SLC4A4: variants seen among roughly 807,000 people sequenced by gnomAD.
SLC4A4 encodes the protein electrogenic sodium bicarbonate cotransporter 1.
Under a neutral mutation model 111.5 loss-of-function variants are expected in SLC4A4, and 27 were observed. The ratio of observed to expected loss-of-function variants is 0.24; its 90% CI spans 0.18 to 0.33. The LOEUF (loss-of-function observed/expected upper bound fraction) is 0.33, where lower values mean the gene tolerates loss of function less well. Among genes scored for constraint, SLC4A4 ranks in the 10% least tolerant of loss-of-function variants. The pLI, the probability that SLC4A4 is intolerant of heterozygous loss-of-function variation, is 1.00. For synonymous variants in SLC4A4, 443 were observed against 463.4 expected (o/e 0.96, Z 0.57); for missense variants, 909 against 1,315.5 (o/e 0.69, Z 4.78).
At chr4:71,125,993 T>TA (rs2148959116) in intron 2 of SLC4A4, among the ~76,000 whole-genome samples, 1 of 152,350 alleles carries the variant, frequency 6.6e-6, no homozygotes, top group Non-Finnish European at 1.5e-5. Context: ...TTCTGTATTT[T>TA]GTTAGCTGCA....
intron 16 of SLC4A4, among the ~76,000 whole-genome samples, chr4:71,504,587 T>C (rs1247714163): frequency 1.3e-5 from 2 of 151,600 alleles, no homozygotes; most frequent in Non-Finnish European, 3.0e-5. Flanking sequence ...TTTAAGATCA[T>C]TATTTTGAAT....
rs529877547 is a variant in SLC4A4, at chr4:71,234,341, T to A, written c.-1-2235T>A. On this transcript the variant is annotated intron_variant, in intron 1 of 25. Coordinates refer to ENST00000264485, the MANE Select transcript of SLC4A4 (RefSeq NM_001098484.3). ...GAACATAGCAGGCACTAAATAAATA[T>A]TTGCTGAACCAGTGAATATACTTTA... Among the ~76,000 whole-genome samples the A allele has an allele frequency of 1.4e-4, 22 of 152,380 alleles. No individual in the cohort carries two copies. The East Asian group carries it at 4.0e-3, about 28-fold the overall frequency.
Position 71,339,401 on chromosome 4 carries a change from C to T in SLC4A4, c.285C>T (p.Ile95=). 2 of 1,614,128 alleles carry T rather than the reference C, an allele frequency of 1.2e-6. No individual in the cohort carries two copies. The highest frequency in any genetic ancestry group is 2.2e-5 in the South Asian group (2 of 91,078). Residue 95 remains isoleucine (I), a synonymous_variant, in exon 4 of 26, where the codon ATC becomes ATT. Transcript: ENST00000264485. The part of the protein sequence containing the change: ...ISPAAERIRF[I]LGEEDDSPAP... ...CTGCTGCAGAACGCATCCGATTCAT[C>T]TTGGGAGAGGAGGATGACAGCCCAG...
rs1004951581 is a variant in SLC4A4, at chr4:71,134,739, C to A, written c.-2+41947C>A. Among the ~76,000 whole-genome samples, 9 of 152,330 alleles carry A rather than the reference C, an allele frequency of 5.9e-5. No homozygotes were observed. The South Asian group carries it at 1.9e-3, about 32-fold the overall frequency. ...TTGGCAATTGCTCATTTCTAATTAT[C>A]TGGTCTTTTGCAAAGTCCACAAGGC... On this transcript the variant is annotated intron_variant, in intron 2 of 26. Transcript: ENST00000649996.
At chr4:71,220,904 A>G (rs2579310) in intron 1 of SLC4A4, among the ~76,000 whole-genome samples, 4,467 of 151,896 alleles carry the variant, frequency 0.029, 222 homozygotes, top group African/African-American at 0.1. Flanking sequence ...AGTGTCTGTT[A>G]TTTCCTTCTT....
chr4:71,073,404 C>T (rs954510160), intron 1 of SLC4A4, among the ~76,000 whole-genome samples: 2 of 152,090 alleles, frequency 1.3e-5, no homozygotes, highest in Non-Finnish European at 2.9e-5. Context: ...TTCCTTAAAA[C>T]CACCCTGGAG....
chr4:71,131,943 A>T lies in SLC4A4; in HGVS notation c.-2+39151A>T, dbSNP rs182787164. On this transcript the variant is annotated intron_variant, in intron 2 of 26. Transcript: ENST00000649996. ...TGTACCATTGTTAATTATTATTATT[A>T]TTTTTTTCTGTTCACCCATAATGTC... Among the ~76,000 whole-genome samples the T allele has an allele frequency of 4.6e-3, 693 of 151,952 alleles. 1 individual carries two copies. The highest frequency in any genetic ancestry group is 7.7e-3 in the Non-Finnish European group (526 of 67,970).
rs1257797347 is a variant in SLC4A4, at chr4:71,451,242, T to A, written c.1263T>A (p.His421Gln). The change falls in exon 11 of 26, where the codon CAT becomes CAA. Residue 421 changes from histidine (H) to glutamine (Q), a missense_variant. Coordinates refer to ENST00000264485, the MANE Select transcript of SLC4A4 (RefSeq NM_001098484.3). ...ENVQMNGDTP[H>Q]DGGHGGGGHG... Reference sequence around the variant, plus strand: ...TTCAGATGAATGGGGATACGCCCCATGATGGAGGTCACGGAGGAGGAGGAC... The same window carrying A: ...TTCAGATGAATGGGGATACGCCCCAAGATGGAGGTCACGGAGGAGGAGGAC... The A allele has an allele frequency of 6.2e-7, 1 of 1,613,650 alleles. No homozygotes were observed.
intron 25 of SLC4A4, among the ~76,000 whole-genome samples, 168 bp downstream of exon 25, chr4:71,567,251 G>C (rs1451493792): frequency 6.6e-6 from 1 of 151,666 alleles, no homozygotes; most frequent in African/African-American, 2.4e-5. Flanking sequence ...CTAGTAGAAA[G>C]CATTCTAAGA....
intron 6 of SLC4A4, among the ~76,000 whole-genome samples, chr4:71,395,096 C>A (rs1277858226): frequency 6.6e-6 from 1 of 152,072 alleles, no homozygotes; most frequent in African/African-American, 2.4e-5. Context: ...AAGAATTGCT[C>A]TGGTGTGAGT....
chr4:71,116,793 A>T (rs1743279655), intron 2 of SLC4A4, among the ~76,000 whole-genome samples: 1 of 152,086 alleles, frequency 6.6e-6, no homozygotes, highest in Admixed American at 6.5e-5. Flanking sequence ...AAAATACAAA[A>T]TTAGTTGGGC....
At chr4:71,221,455 G>A (rs777784653) in intron 1 of SLC4A4, among the ~76,000 whole-genome samples, 20 of 152,170 alleles carry the variant, frequency 1.3e-4, no homozygotes, top group Admixed American at 3.3e-4. Context: ...CCCCCAAAGT[G>A]CAGTCAGTGT....
intron 3 of SLC4A4, among the ~76,000 whole-genome samples, chr4:71,286,235 A>G (rs1723909697): frequency 6.6e-6 from 1 of 152,134 alleles, no homozygotes; most frequent in Admixed American, 6.6e-5. Flanking sequence ...GCGAGACTCC[A>G]TCTCAAAAAA....
In SLC4A4 at chr4:71,273,836, C is replaced by G. The variant is rs539085863; in HGVS notation, c.253+18437C>G. Among the ~76,000 whole-genome samples, 45 of 152,306 alleles carry G rather than the reference C, an allele frequency of 3.0e-4. No individual in the cohort carries two copies. The Middle Eastern group carries it at 0.01, about 35-fold the overall frequency. ...GCATGCCCTTGAACCAGTTAACTAA[C>G]TTCTTTAAGTCTCAGTTTCTTTATC... On this transcript the variant is annotated intron_variant, in intron 3 of 25. Transcript: ENST00000264485.
chr4:71,426,175 A>G (rs1372726682), intron 7 of SLC4A4, among the ~76,000 whole-genome samples: 1 of 152,022 alleles, frequency 6.6e-6, no homozygotes, highest in Non-Finnish European at 1.5e-5. Context: ...CTCTGTTTCA[A>G]TGTTAATGCT....
At chr4:71,227,540 G>A (rs1352371000) in intron 1 of SLC4A4, among the ~76,000 whole-genome samples, 1 of 152,178 alleles carries the variant, frequency 6.6e-6, no homozygotes, top group African/African-American at 2.4e-5. Flanking sequence ...CAGCTGCCTT[G>A]CAGGGTGGGC....
chr4:71,071,689 A>G (rs959913929), intron 1 of SLC4A4, among the ~76,000 whole-genome samples: 3 of 152,180 alleles, frequency 2.0e-5, no homozygotes, highest in African/African-American at 7.2e-5. Context: ...TAGCATACTA[A>G]GTTCCCTATT....
chr4:71,108,130 AAATT>A, intron 2 of SLC4A4, among the ~76,000 whole-genome samples: 1 of 152,248 alleles, frequency 6.6e-6, no homozygotes, highest in Admixed American at 6.5e-5. Context: ...CCCAAAACAC[AAATT>A]AATAATTTCT....
chr4:71,155,065 T>C (rs1035787779), intron 2 of SLC4A4, among the ~76,000 whole-genome samples: 7 of 137,942 alleles, frequency 5.1e-5, no homozygotes, highest in African/African-American at 1.9e-4. Flanking sequence ...TTGTGATATT[T>C]GTTTTTATTT....
Sources: gnomAD v4.1 joint callset for allele counts (sites outside exome capture counted in the v4.1 genomes callset) on GRCh38, gnomAD v4.1.1 for gene constraint, MANE v1.5 for transcripts, NCBI Gene and HGNC (gene_info 2026-07-23, HGNC 2026-07-21) for gene names.